The following CSNK1G3 variants were observed in gnomAD, a reference collection of about 807,000 sequenced individuals.
The protein encoded by CSNK1G3 is casein kinase 1 gamma 3, also known as casein kinase I isoform gamma-3.
CSNK1G3 carries 23 observed loss-of-function variants against 64.3 expected under a neutral mutation model. That is an observed-to-expected ratio of 0.36 (90% CI 0.26 to 0.51). The LOEUF (loss-of-function observed/expected upper bound fraction) is 0.51. Among genes scored for constraint, CSNK1G3 ranks in the 20% least tolerant of loss-of-function variants. The pLI is 0.96. For missense variants in CSNK1G3, 357 were observed against 510.5 expected, an observed-to-expected ratio of 0.70 and a Z score of 2.90; for synonymous variants, 158 against 162.2, an observed-to-expected ratio of 0.97 and a Z score of 0.20.
At chr5:123,513,737 A>T (rs1776651851) in intron 1 of CSNK1G3, among the ~76,000 whole-genome samples, 1 of 152,226 alleles carries the variant, frequency 6.6e-6, no homozygotes, top group African/African-American at 2.4e-5. Flanking sequence ...CTTTTTAAAG[A>T]TGTTTCTTTG....
At chr5:123,605,133 A>G (rs978272589) in intron 11 of CSNK1G3, among the ~76,000 whole-genome samples, 10 of 152,052 alleles carry the variant, frequency 6.6e-5, no homozygotes, top group Admixed American at 5.9e-4. Flanking sequence ...TGTACTATCA[A>G]TCTTTTTTCT....
intron 4 of CSNK1G3, among the ~76,000 whole-genome samples, chr5:123,565,967 A>G (rs893064079): frequency 3.8e-4 from 58 of 152,218 alleles, no homozygotes; most frequent in African/African-American, 1.4e-3. Context: ...AGAGGGGACA[A>G]CACCCAAACT....
At chr5:123,564,938 C>G (rs1786537151) in intron 4 of CSNK1G3, among the ~76,000 whole-genome samples, 2 of 152,078 alleles carry the variant, frequency 1.3e-5, no homozygotes, top group Admixed American at 6.6e-5. Context: ...TATGCTCTTA[C>G]CCTTTTTGAG....
intron 1 of CSNK1G3, among the ~76,000 whole-genome samples, chr5:123,540,287 A>C (rs538076195): frequency 6.6e-6 from 1 of 151,886 alleles, no homozygotes; most frequent in East Asian, 1.9e-4. Context: ...TCAGCTGAGA[A>C]TTCCTGTTTT....
At chr5:123,585,916 C>T (rs1266673843) in intron 6 of CSNK1G3, among the ~76,000 whole-genome samples, 1 of 152,150 alleles carries the variant, frequency 6.6e-6, no homozygotes. Context: ...ATACTTACAA[C>T]ATCATGTAGC....
intron 1 of CSNK1G3, among the ~76,000 whole-genome samples, chr5:123,529,998 G>A (rs1429238155): frequency 1.3e-5 from 2 of 151,592 alleles, no homozygotes; most frequent in Non-Finnish European, 2.9e-5. Flanking sequence ...TTAGCCTCGT[G>A]TAGTGGCATG....
intron 4 of CSNK1G3, among the ~76,000 whole-genome samples, chr5:123,561,337 T>G (rs181103464): frequency 1.3e-5 from 2 of 152,132 alleles, no homozygotes; most frequent in Non-Finnish European, 2.9e-5. Context: ...ATGGATGAGA[T>G]CTCCCTGAGG....
intron 1 of CSNK1G3, among the ~76,000 whole-genome samples, chr5:123,526,783 T>C (rs1225004815): frequency 1.3e-5 from 2 of 152,102 alleles, no homozygotes; most frequent in Non-Finnish European, 2.9e-5. Context: ...ATTGTATGGA[T>C]GTACCTCACC....
chr5:123,532,978 A>C (rs1055976132), intron 1 of CSNK1G3, among the ~76,000 whole-genome samples: 3 of 151,814 alleles, frequency 2.0e-5, no homozygotes, highest in Admixed American at 2.0e-4. Context: ...TTTCTCTTTG[A>C]TACTATGTCA....
At chr5:123,576,737 A>C (rs1355795695) in intron 6 of CSNK1G3, among the ~76,000 whole-genome samples, 1 of 152,062 alleles carries the variant, frequency 6.6e-6, no homozygotes, top group Non-Finnish European at 1.5e-5. Context: ...ATGTGTTCTT[A>C]GTGCATCATG....
intron 5 of CSNK1G3, 43 bp downstream of exon 5, chr5:123,573,584 G>T (rs1788534136): frequency 6.6e-7 from 1 of 1,507,684 alleles, no homozygotes; most frequent in South Asian, 1.3e-5. Context: ...ACAATTACAT[G>T]GTTGTTGGTC....
chr5:123,568,297 G>C (rs1261532229), intron 4 of CSNK1G3, among the ~76,000 whole-genome samples: 1 of 152,094 alleles, frequency 6.6e-6, no homozygotes, highest in Non-Finnish European at 1.5e-5. Context: ...ACGTGACTAT[G>C]ACCTTTTTTT....
intron 9 of CSNK1G3, among the ~76,000 whole-genome samples, chr5:123,590,989 G>C (rs949643769): frequency 6.6e-6 from 1 of 151,588 alleles, no homozygotes. Context: ...ATTTGCTTTG[G>C]AAATGAGAGG....
intron 4 of CSNK1G3, among the ~76,000 whole-genome samples, chr5:123,563,152 A>G (rs183950870): frequency 6.6e-6 from 1 of 152,156 alleles, no homozygotes; most frequent in Admixed American, 6.5e-5. Flanking sequence ...ATAAATTACT[A>G]CTTATCAGAG....
At chr5:123,545,693 A>C in exon 2 of CSNK1G3, 1 of 1,613,258 alleles carries the variant, frequency 6.2e-7, no homozygotes, top group East Asian at 2.2e-5. Context: ...ACAAGGACAA[A>C]TCAGATGATA....
chr5:123,585,072 A>G (rs1791056077), intron 6 of CSNK1G3, among the ~76,000 whole-genome samples: 1 of 151,934 alleles, frequency 6.6e-6, no homozygotes, highest in African/African-American at 2.4e-5. Context: ...ATTTGTCATT[A>G]TTTTGTCCTT....
intron 2 of CSNK1G3, among the ~76,000 whole-genome samples, chr5:123,551,797 AC>A (rs1783710413): frequency 6.6e-6 from 1 of 152,088 alleles, no homozygotes. Flanking sequence ...ATTAAAAAAA[AC>A]CCCAAAAAAC....
intron 6 of CSNK1G3, among the ~76,000 whole-genome samples, chr5:123,579,297 T>G (rs1581244658): frequency 1.3e-5 from 2 of 151,840 alleles, no homozygotes; most frequent in Admixed American, 1.3e-4. Context: ...TGCTGTTTTT[T>G]TTTTTTTTTT....
rs1161832933 is a variant in CSNK1G3, at chr5:123,604,709, T to A, written c.1087-15T>A. ...GTGTACATATACATATATAAAAAAT[T>A]TTTTTTTCAAACAGGTTGTAAGTTC... On this transcript the variant is annotated splice_polypyrimidine_tract_variant and intron_variant, in intron 10 of 12. Coordinates refer to ENST00000345990, the Ensembl canonical transcript of CSNK1G3. 3 of 1,561,052 alleles carry A rather than the reference T, an allele frequency of 1.9e-6. No homozygotes were observed. The highest frequency in any genetic ancestry group is 2.3e-5 in the South Asian group (2 of 86,802).
Sources: gnomAD v4.1 joint callset for allele counts (sites outside exome capture counted in the v4.1 genomes callset) on GRCh38, gnomAD v4.1.1 for gene constraint, MANE v1.5 for transcripts, NCBI Gene and HGNC (gene_info 2026-07-23, HGNC 2026-07-21) for gene names.